PLPPR1: variants seen among roughly 807,000 people sequenced by gnomAD.
PLPPR1 encodes phospholipid phosphatase-related protein type 1.
A neutral mutation model predicts 33.1 loss-of-function variants in PLPPR1; 10 were observed. That is an observed-to-expected ratio of 0.30 (90% CI 0.19 to 0.51). PLPPR1 has a LOEUF of 0.51. Among genes scored for constraint, PLPPR1 ranks in the 20% least tolerant of loss-of-function variants. The probability of loss-of-function intolerance (pLI) is 0.97; values close to 1 mark genes in which losing one functional copy is unlikely to be tolerated. For missense variants in PLPPR1, 304 were observed against 408.1 expected, an observed-to-expected ratio of 0.74 and a Z score of 2.20; for synonymous variants, 151 against 151.0, an observed-to-expected ratio of 1.00 and a Z score of 0.00.
chr9:101,097,071 A>T (rs1830828342), intron 1 of PLPPR1, among the ~76,000 whole-genome samples: 1 of 152,214 alleles, frequency 6.6e-6, no homozygotes, highest in South Asian at 2.1e-4. Flanking sequence ...TCATCTGAAC[A>T]GGCAGGGAGA....
At chr9:101,301,944 T>C (rs1352749459) in intron 4 of PLPPR1, among the ~76,000 whole-genome samples, 1 of 152,248 alleles carries the variant, frequency 6.6e-6, no homozygotes, top group Non-Finnish European at 1.5e-5. Context: ...TGTGCATGTG[T>C]GTGTGCTCCC....
At chr9:101,044,191 A>AACAG (rs1419166450) in intron 1 of PLPPR1, among the ~76,000 whole-genome samples, 2 of 151,976 alleles carry the variant, frequency 1.3e-5, no homozygotes, top group Non-Finnish European at 2.9e-5. Flanking sequence ...CAAACAAACA[A>AACAG]TACCATCAAA....
At chr9:101,192,779 A>G (rs1826320117) in intron 2 of PLPPR1, among the ~76,000 whole-genome samples, 2 of 152,182 alleles carry the variant, frequency 1.3e-5, no homozygotes, top group South Asian at 4.1e-4. Context: ...TTTATAATAT[A>G]TATTAAGGTG....
intron 1 of PLPPR1, among the ~76,000 whole-genome samples, chr9:101,048,423 C>G (rs1306805045): frequency 1.3e-5 from 2 of 152,142 alleles, no homozygotes; most frequent in Non-Finnish European, 2.9e-5. Context: ...GATCCTAGAG[C>G]CCTTGGGCCT....
rs541570331 is a variant in PLPPR1, at chr9:101,268,401, G to T, written c.64-1479G>T. Among the ~76,000 whole-genome samples, 12 of 152,224 alleles carry T rather than the reference G, an allele frequency of 7.9e-5. No individual in the cohort carries two copies. In the East Asian group the frequency reaches 2.1e-3, roughly 27 times the overall value. On this transcript the variant is annotated intron_variant, in intron 2 of 7. Coordinates refer to ENST00000374874, the MANE Select transcript of PLPPR1 (RefSeq NM_207299.2). ...GAGAATGGTTTATAGTGGGGCAGAG[G>T]GTAAAGGCTGTGCTTCAATGCTGTG...
chr9:101,293,428 G>C (rs1052598937), intron 4 of PLPPR1, among the ~76,000 whole-genome samples: 6 of 151,942 alleles, frequency 3.9e-5, no homozygotes, highest in African/African-American at 1.4e-4. Flanking sequence ...CCCAGGAATT[G>C]AACTCAGCTC....
chr9:101,072,879 C>T (rs1830497095), intron 1 of PLPPR1, among the ~76,000 whole-genome samples: 1 of 152,082 alleles, frequency 6.6e-6, no homozygotes, highest in Non-Finnish European at 1.5e-5. Context: ...GCTTTTTATT[C>T]TCGCATGTTG....
intron 2 of PLPPR1, among the ~76,000 whole-genome samples, chr9:101,259,237 A>T (rs1458687297): frequency 6.6e-6 from 1 of 152,112 alleles, no homozygotes; most frequent in Non-Finnish European, 1.5e-5. Flanking sequence ...GCCCAAGAAG[A>T]GAGGTAGACC....
At chr9:101,080,929 A>G (rs1039452905) in intron 1 of PLPPR1, among the ~76,000 whole-genome samples, 1 of 152,186 alleles carries the variant, frequency 6.6e-6, no homozygotes, top group Non-Finnish European at 1.5e-5. Context: ...TAGCCGTATC[A>G]TCTTTCTCCC....
In PLPPR1 at chr9:101,066,719, C is replaced by T. The variant is rs1830419926; in HGVS notation, c.-46+37617C>T. Among the ~76,000 whole-genome samples, 3 of 152,066 alleles carry T rather than the reference C, an allele frequency of 2.0e-5. No homozygotes were observed. In the South Asian group the frequency reaches 6.2e-4, roughly 32 times the overall value. On this transcript the variant is annotated intron_variant, in intron 1 of 7. Coordinates refer to ENST00000374874, the MANE Select transcript of PLPPR1 (RefSeq NM_207299.2). ...CATAGTGATTTTCTTTGGGCACTTC[C>T]TTACTTTCTGGCACTAAAAGGTGTT...
chr9:101,230,297 G>C (rs1827154056), intron 2 of PLPPR1, among the ~76,000 whole-genome samples: 1 of 151,996 alleles, frequency 6.6e-6, no homozygotes, highest in Non-Finnish European at 1.5e-5. Context: ...ACTGAACAAG[G>C]ATGAATTGAG....
At position 101,204,222 on chromosome 9, in the gene PLPPR1, C is replaced by A. The variant is rs900188990; in HGVS notation, c.63+18665C>A. Among the ~76,000 whole-genome samples the A allele has an allele frequency of 2.6e-5, 4 of 152,216 alleles. No homozygotes were observed. The East Asian group carries it at 7.7e-4, about 29-fold the overall frequency. ...GTGGTGTGAAAGGGGTAGTAGCAACCAGCTCAAGCCCATTGGAGATTTGTA... is the reference window on the plus strand; with the variant it reads ...GTGGTGTGAAAGGGGTAGTAGCAACAAGCTCAAGCCCATTGGAGATTTGTA... On this transcript the variant is annotated intron_variant, in intron 2 of 7. Transcript: ENST00000374874.
chr9:101,184,753 T>C (rs1166896816), intron 1 of PLPPR1, among the ~76,000 whole-genome samples: 1 of 151,982 alleles, frequency 6.6e-6, no homozygotes, highest in Non-Finnish European at 1.5e-5. Flanking sequence ...TAATAAAATA[T>C]TTAATGACAA....
At chr9:101,130,996 C>T (rs998666977) in intron 1 of PLPPR1, among the ~76,000 whole-genome samples, 8 of 134,914 alleles carry the variant, frequency 5.9e-5, no homozygotes, top group Non-Finnish European at 8.8e-5. Context: ...GATAAAGGTA[C>T]ACACATCACA....
At chr9:101,231,897 C>T (rs1827194918) in intron 2 of PLPPR1, among the ~76,000 whole-genome samples, 1 of 152,038 alleles carries the variant, frequency 6.6e-6, no homozygotes, top group Non-Finnish European at 1.5e-5. Context: ...TCATTATCTT[C>T]CTTACATATT....
chr9:101,105,844 G>A (rs1316694438), intron 1 of PLPPR1, among the ~76,000 whole-genome samples: 1 of 133,214 alleles, frequency 7.5e-6, no homozygotes, highest in African/African-American at 3.0e-5. Flanking sequence ...TGTATTCGGT[G>A]CATAAATATT....
chr9:101,134,085 A>T (rs376455399), intron 1 of PLPPR1, among the ~76,000 whole-genome samples: 20 of 152,196 alleles, frequency 1.3e-4, no homozygotes, highest in African/African-American at 4.6e-4. Context: ...ACAGATTGTT[A>T]GCCTAACTAA....
At chr9:101,205,962 T>C (rs1027304367) in intron 2 of PLPPR1, among the ~76,000 whole-genome samples, 1 of 152,152 alleles carries the variant, frequency 6.6e-6, no homozygotes, top group Non-Finnish European at 1.5e-5. Context: ...GATCTATATC[T>C]CCTCAGAGAG....
chr9:101,098,887 C>T (rs1254482473), intron 1 of PLPPR1, among the ~76,000 whole-genome samples: 1 of 152,058 alleles, frequency 6.6e-6, no homozygotes, highest in Non-Finnish European at 1.5e-5. Flanking sequence ...TATAAGAGAA[C>T]AAGAGCTCAC....
Sources: gnomAD v4.1 joint callset for allele counts (sites outside exome capture counted in the v4.1 genomes callset) on GRCh38, gnomAD v4.1.1 for gene constraint, MANE v1.5 for transcripts, NCBI Gene and HGNC (gene_info 2026-07-23, HGNC 2026-07-21) for gene names.